RPS6KA2: variants seen among roughly 807,000 people sequenced by gnomAD.
The protein encoded by RPS6KA2 is ribosomal protein S6 kinase A2.
In RPS6KA2, 42 loss-of-function variants were observed where a neutral mutation model predicts 91.8. The observed-to-expected ratio is 0.46, with a 90% confidence interval of 0.36 to 0.59. RPS6KA2 has a LOEUF of 0.59. Among genes scored for constraint, RPS6KA2 ranks in the 20% least tolerant of loss-of-function variants. The pLI is 0.00. For synonymous variants in RPS6KA2, 414 were observed against 393.6 expected, an observed-to-expected ratio of 1.05 and a Z score of -0.61; for missense variants, 798 against 978.5, an observed-to-expected ratio of 0.82 and a Z score of 2.46.
At chr6:166,449,411 C>T (rs1436115796) in intron 13 of RPS6KA2, among the ~76,000 whole-genome samples, 1 of 152,104 alleles carries the variant, frequency 6.6e-6, no homozygotes, top group Non-Finnish European at 1.5e-5. Context: ...GATGGAAATC[C>T]AATGCCATTC....
intron 2 of RPS6KA2, among the ~76,000 whole-genome samples, chr6:166,819,750 C>G (rs1779856866): frequency 6.6e-6 from 1 of 152,192 alleles, no homozygotes; most frequent in Admixed American, 6.5e-5. Flanking sequence ...GTTTATTCAA[C>G]TGGTCTCCTA....
At chr6:166,591,799 T>C (rs138721810) in intron 1 of RPS6KA2, among the ~76,000 whole-genome samples, 27 of 152,206 alleles carry the variant, frequency 1.8e-4, no homozygotes, top group Non-Finnish European at 2.5e-4. Flanking sequence ...TAACCCAGCA[T>C]TTAGTTTTTA....
intron 3 of RPS6KA2, among the ~76,000 whole-genome samples, chr6:166,517,433 A>G (rs1027550707): frequency 2.2e-5 from 3 of 133,486 alleles, no homozygotes; most frequent in South Asian, 2.4e-4. Flanking sequence ...GCGGAAAACC[A>G]CTTAAGGCGT....
intron 1 of RPS6KA2, among the ~76,000 whole-genome samples, chr6:166,584,234 C>T (rs866516924): frequency 3.3e-5 from 5 of 152,202 alleles, no homozygotes; most frequent in African/African-American, 9.7e-5. Context: ...CTTCTTGCAG[C>T]GCCCTTTCGT....
In RPS6KA2 at chr6:166,833,230, C is replaced by G. The variant is rs567705211; in HGVS notation, c.123+24970G>C. On this transcript the variant is annotated intron_variant, in intron 2 of 21. Transcript: ENST00000503859. ...AGCCAGGTGATCTGATGGAAGAAAC[C>G]ATTCTTAGCCAACAAAGGAAGGCAT... 5.9e-5 allele frequency among the ~76,000 whole-genome samples: 9 copies of G among 152,278 alleles called. No homozygotes were observed. The East Asian group carries it at 1.7e-3, about 29-fold the overall frequency.
intron 1 of RPS6KA2, among the ~76,000 whole-genome samples, chr6:166,624,591 G>A (rs1786766418): frequency 6.6e-6 from 1 of 152,142 alleles, no homozygotes; most frequent in Non-Finnish European, 1.5e-5. Context: ...CTGAGGCCAG[G>A]ACTTCTATGT....
At chr6:166,453,232 A>T (rs7764978) in intron 12 of RPS6KA2, among the ~76,000 whole-genome samples, 2 of 94,282 alleles carry the variant, frequency 2.1e-5, no homozygotes, top group Non-Finnish European at 5.0e-5. Flanking sequence ...CACACACACA[A>T]AAAGGCTTTA....
At chr6:166,539,972 C>T (rs1783603691) in intron 1 of RPS6KA2, among the ~76,000 whole-genome samples, 1 of 152,204 alleles carries the variant, frequency 6.6e-6, no homozygotes, top group Admixed American at 6.5e-5. Flanking sequence ...CCAAAAACAG[C>T]AACCAGGAAT....
intron 1 of RPS6KA2, among the ~76,000 whole-genome samples, chr6:166,623,347 C>T (rs958185972): frequency 6.6e-6 from 1 of 152,216 alleles, no homozygotes; most frequent in Non-Finnish European, 1.5e-5. Context: ...TCTTCTGAGG[C>T]TCTACTGGCG....
chr6:166,809,180 C>A (rs1020057360), intron 2 of RPS6KA2, among the ~76,000 whole-genome samples: 2 of 152,124 alleles, frequency 1.3e-5, no homozygotes, highest in African/African-American at 4.8e-5. Flanking sequence ...AGGGCACATT[C>A]TTTGTAGCAC....
rs563877010 is a variant in RPS6KA2 at position 166,717,617 on chromosome 6, G to A, written c.123+140583C>T. Among the ~76,000 whole-genome samples the A allele has an allele frequency of 7.9e-5, 12 of 152,314 alleles. No homozygotes were observed. The South Asian group carries it at 2.3e-3, about 29-fold the overall frequency. ...GTTGGAGCAGCGTGGGGTTGGAAGG[G>A]AGTGGGGTGCACAGCACACGTTCCA... On this transcript the variant is annotated intron_variant, in intron 2 of 21. Transcript: ENST00000503859.
At chr6:166,636,566 C>A (rs1562356656) in intron 2 of RPS6KA2, among the ~76,000 whole-genome samples, 1 of 152,198 alleles carries the variant, frequency 6.6e-6, no homozygotes, top group Non-Finnish European at 1.5e-5. Flanking sequence ...CTTCCTCTTC[C>A]TCCTTCTCCT....
chr6:166,682,319 A>G (rs990395027), intron 2 of RPS6KA2, among the ~76,000 whole-genome samples: 7 of 152,220 alleles, frequency 4.6e-5, no homozygotes, highest in Non-Finnish European at 1.5e-5. Context: ...GTGTCGTAGG[A>G]AAATGGAAAG....
At chr6:166,444,902 A>AT (rs1388729544) in intron 14 of RPS6KA2, among the ~76,000 whole-genome samples, 2 of 152,256 alleles carry the variant, frequency 1.3e-5, no homozygotes, top group Non-Finnish European at 2.9e-5. Context: ...AGTACCCAGC[A>AT]TATAGCAGGG....
At chr6:166,428,356 A>G (rs1326620794) in intron 16 of RPS6KA2, among the ~76,000 whole-genome samples, 19 of 145,822 alleles carry the variant, frequency 1.3e-4, no homozygotes, top group Admixed American at 6.8e-5. Context: ...AAACCCTAGA[A>G]GAAAACCTAG....
chr6:166,640,379 T>G (rs928885696), intron 2 of RPS6KA2, among the ~76,000 whole-genome samples: 1 of 152,196 alleles, frequency 6.6e-6, no homozygotes, highest in African/African-American at 2.4e-5. Flanking sequence ...CTACTAGAGA[T>G]GAGAACTTGA....
intron 19 of RPS6KA2, among the ~76,000 whole-genome samples, chr6:166,416,759 C>T (rs1778546385): frequency 6.6e-6 from 1 of 151,946 alleles, no homozygotes; most frequent in African/African-American, 2.4e-5. Flanking sequence ...TCACTCCTGC[C>T]ATTATCTCCA....
intron 2 of RPS6KA2, among the ~76,000 whole-genome samples, chr6:166,744,585 G>A (rs779880363): frequency 2.6e-5 from 4 of 152,204 alleles, no homozygotes; most frequent in Non-Finnish European, 5.9e-5. Context: ...GGAGAGCCGC[G>A]CACCCGTGCA....
chr6:166,441,292 A>G (rs1779511092), intron 14 of RPS6KA2, among the ~76,000 whole-genome samples: 1 of 152,180 alleles, frequency 6.6e-6, no homozygotes, highest in Admixed American at 6.5e-5. Flanking sequence ...CTGTCTCTGC[A>G]CCACTGCTGT....
Sources: allele counts gnomAD v4.1 joint callset (sites outside exome capture counted in the v4.1 genomes callset), GRCh38; gene constraint gnomAD v4.1.1; transcripts MANE v1.5; gene names NCBI Gene and HGNC (gene_info 2026-07-23, HGNC 2026-07-21).